MIA2: variants seen among roughly 807,000 people sequenced by gnomAD.
MIA2 encodes the protein melanoma inhibitory activity protein 2.
Under a neutral mutation model 167.8 loss-of-function variants are expected in MIA2, and 127 were observed. The observed-to-expected ratio is 0.76, with a 90% CI of 0.66 to 0.88. MIA2 has a LOEUF of 0.88. MIA2 is among the 40% of genes least tolerant of loss of function. The pLI, the probability that MIA2 is intolerant of heterozygous loss-of-function variation, is 0.00. For missense variants in MIA2, 1,690 were observed against 1,624.7 expected (o/e 1.04, Z -0.69); for synonymous variants, 552 against 541.9 (o/e 1.02, Z -0.26).
chr14:39,291,103 A>T lies in MIA2; in HGVS notation c.2208+7A>T, dbSNP rs566267600. The T allele has an allele frequency of 3.1e-6, 5 of 1,591,570 alleles. No individual in the cohort carries two copies. In the Admixed American group the frequency reaches 5.6e-5, roughly 18 times the overall value. ...AGAAGCACAAAGTTTGGAGGTAGAA[A>T]ATCAAATGGTATAATTTTAAAAGCT... On this transcript the variant is annotated splice_region_variant and intron_variant, in intron 10 of 28. Transcript: ENST00000640607.
chr14:39,262,204 C>T (rs1283060232), intron 6 of MIA2, among the ~76,000 whole-genome samples: 2 of 152,172 alleles, frequency 1.3e-5, no homozygotes, highest in East Asian at 1.9e-4. Context: ...CAGCTTTCTA[C>T]ATATGGCTAG....
intron 6 of MIA2, among the ~76,000 whole-genome samples, chr14:39,260,990 T>C (rs1191821265): frequency 6.6e-6 from 1 of 152,108 alleles, no homozygotes; most frequent in African/African-American, 2.4e-5. Context: ...CTTGTTTTTT[T>C]TTCTTTTTTT....
exon 24 of MIA2, chr14:39,387,163 T>C: frequency 2.0e-6 from 1 of 508,568 alleles, no homozygotes; most frequent in Non-Finnish European, 3.5e-6. Context: ...ATACATTTTA[T>C]AAGACTATAG....
intron 17 of MIA2, among the ~76,000 whole-genome samples, chr14:39,306,431 G>A (rs932785881): frequency 2.0e-5 from 3 of 152,088 alleles, no homozygotes; most frequent in Admixed American, 2.0e-4. Context: ...AGAGAGTGAA[G>A]GGGGAGGTGT....
intron 19 of MIA2, among the ~76,000 whole-genome samples, 154 bp downstream of exon 19, chr14:39,313,595 CT>C (rs959062617): frequency 6.6e-6 from 1 of 152,070 alleles, no homozygotes; most frequent in African/African-American, 2.4e-5. Context: ...TGTCTCATCA[CT>C]TTTCATTCAG....
chr14:39,370,606 T>C (rs2074919316), intron 23 of MIA2: 29 of 357,432 alleles, frequency 8.1e-5, no homozygotes, highest in South Asian at 6.6e-4. Flanking sequence ...CTTGAGGAAG[T>C]CCAGCACCTT....
chr14:39,348,296 C>T (rs997165546), intron 27 of MIA2, among the ~76,000 whole-genome samples: 1 of 152,164 alleles, frequency 6.6e-6, no homozygotes, highest in African/African-American at 2.4e-5. Flanking sequence ...AATTTGCAGA[C>T]TAGGAGTTTG....
intron 9 of MIA2, among the ~76,000 whole-genome samples, chr14:39,284,341 C>G (rs992128583): frequency 6.6e-6 from 1 of 152,036 alleles, no homozygotes; most frequent in African/African-American, 2.4e-5. Flanking sequence ...TCTTGGTGCC[C>G]TATTGAAAAT....
chr14:39,337,556 AT>A (rs931727848), intron 25 of MIA2, among the ~76,000 whole-genome samples: 1 of 152,214 alleles, frequency 6.6e-6, no homozygotes, highest in African/African-American at 2.4e-5. Flanking sequence ...ACCTCAACAC[AT>A]TTAAAAGAAG....
chr14:39,314,904 G>A, intron 20 of MIA2, 105 bp downstream of exon 20: 2 of 847,194 alleles, frequency 2.4e-6, no homozygotes, highest in Non-Finnish European at 3.3e-6. Context: ...TACTTGACCA[G>A]TTGTATACCT....
chr14:39,322,539 CA>C (rs541740480), intron 24 of MIA2, among the ~76,000 whole-genome samples: 23,173 of 78,164 alleles, frequency 0.3, 1,588 homozygotes, highest in Middle Eastern at 0.37. Context: ...GACTCCGTCT[CA>C]AAAAAAAAAA....
At chr14:39,283,869 T>G (rs1010474196) in intron 9 of MIA2, among the ~76,000 whole-genome samples, 5 of 152,334 alleles carry the variant, frequency 3.3e-5, no homozygotes, top group Admixed American at 2.0e-4. Context: ...TGCTTGCTGT[T>G]GAGTTGTATG....
chr14:39,264,265 CA>C (rs897448108), intron 6 of MIA2, among the ~76,000 whole-genome samples: 15 of 152,264 alleles, frequency 9.9e-5, no homozygotes, highest in African/African-American at 3.6e-4. Context: ...CACGTTGCTG[CA>C]AAGAATGTGA....
intron 18 of MIA2, among the ~76,000 whole-genome samples, chr14:39,311,552 A>G (rs1355466580): frequency 4.5e-5 from 6 of 132,468 alleles, no homozygotes; most frequent in African/African-American, 1.7e-4. Flanking sequence ...ATCTTGGCTT[A>G]CCACAAGCTC....
intron 13 of MIA2, among the ~76,000 whole-genome samples, chr14:39,297,050 T>G (rs1353321034): frequency 6.6e-6 from 1 of 151,886 alleles, no homozygotes; most frequent in Admixed American, 6.6e-5. Flanking sequence ...GTGCTGAGAT[T>G]ACAAGCGCGA....
intron 15 of MIA2, among the ~76,000 whole-genome samples, chr14:39,302,829 T>C (rs2062743832): frequency 1.3e-5 from 2 of 152,112 alleles, no homozygotes; most frequent in Non-Finnish European, 2.9e-5. Context: ...TATGGCATCA[T>C]AGGAAGTTCT....
In MIA2 at chr14:39,272,293, C is replaced by T. The variant is rs144212388; in HGVS notation, c.1888-4641C>T. 3.9e-3 allele frequency among the ~76,000 whole-genome samples: 596 copies of T among 152,020 alleles called. 8 individuals are homozygous for T. Among genetic ancestry groups the T allele is most frequent in the African/African-American group, 0.013 (547 of 41,472 alleles). ...CTTGAACCCGGGAGGCGGAGGTTGCCGTGAGCTGAGATTGCGCCATTGCAC... is the reference window on the plus strand; with the variant it reads ...CTTGAACCCGGGAGGCGGAGGTTGCTGTGAGCTGAGATTGCGCCATTGCAC... On this transcript the variant is annotated intron_variant, in intron 6 of 28. Coordinates refer to ENST00000640607, the MANE Select transcript of MIA2 (RefSeq NM_001329214.4).
intron 25 of MIA2, among the ~76,000 whole-genome samples, chr14:39,332,500 A>G (rs1566956866): frequency 6.6e-6 from 1 of 152,058 alleles, no homozygotes; most frequent in Non-Finnish European, 1.5e-5. Flanking sequence ...AGGAGTTGTG[A>G]TCCTTTGAAA....
chr14:39,347,804 T>C, intron 27 of MIA2, 33 bp downstream of exon 27: 1 of 1,497,682 alleles, frequency 6.7e-7, no homozygotes, highest in Non-Finnish European at 9.0e-7. Flanking sequence ...TGTATGCATG[T>C]ATTCAGAAGC....
Sources: allele counts gnomAD v4.1 joint callset (sites outside exome capture counted in the v4.1 genomes callset), GRCh38; gene constraint gnomAD v4.1.1; transcripts MANE v1.5; gene names NCBI Gene and HGNC (gene_info 2026-07-23, HGNC 2026-07-21).